RGS6: variants seen among roughly 807,000 people sequenced by gnomAD.
RGS6 encodes the protein regulator of G protein signaling 6, also known as regulator of G-protein signaling 6.
In RGS6, 30 loss-of-function variants were observed where a neutral mutation model predicts 78.5. That is an observed-to-expected ratio of 0.38 (90% CI 0.29 to 0.52). The LOEUF is 0.52. RGS6 is among the 20% of genes least tolerant of loss of function. RGS6 has a pLI of 0.85. For synonymous variants in RGS6, 206 were observed against 206.0 expected (o/e 1.00, Z 0.00); for missense variants, 495 against 609.7 (o/e 0.81, Z 1.98).
At chr14:72,467,709 C>T (rs2095958066) in intron 7 of RGS6, among the ~76,000 whole-genome samples, 1 of 152,166 alleles carries the variant, frequency 6.6e-6, no homozygotes, top group African/African-American at 2.4e-5. Context: ...TTTGCATTAT[C>T]AGATGATCAT....
intron 3 of RGS6, among the ~76,000 whole-genome samples, chr14:72,435,765 G>A (rs1313477580): frequency 1.0e-4 from 6 of 59,100 alleles, no homozygotes; most frequent in East Asian, 1.2e-3. Flanking sequence ...CCCCGCCCCC[G>A]CCCCTGCTGT....
chr14:72,497,417 A>C (rs1343805916), intron 13 of RGS6, among the ~76,000 whole-genome samples: 2 of 152,128 alleles, frequency 1.3e-5, no homozygotes, highest in Admixed American at 6.5e-5. Flanking sequence ...ATTTACTTGA[A>C]TCATATATTT....
At chr14:72,472,440 CTT>C (rs1398544272) in intron 8 of RGS6, among the ~76,000 whole-genome samples, 10 of 152,192 alleles carry the variant, frequency 6.6e-5, no homozygotes, top group Admixed American at 3.9e-4. Flanking sequence ...CTAAAGCAAA[CTT>C]TCAAATTTGA....
rs77743636 is a variant in RGS6, at chr14:72,289,535, C to G, written c.85-62560C>G. Reference sequence around the variant, plus strand: ...ACCCCTGCTCTTAGCAAAAGTTCCTCAGGACATTATTGTTGAATTACTCAA... The same window carrying G: ...ACCCCTGCTCTTAGCAAAAGTTCCTGAGGACATTATTGTTGAATTACTCAA... On this transcript the variant is annotated intron_variant, in intron 2 of 17. Transcript: ENST00000553525. Among the ~76,000 whole-genome samples, 734 of 152,280 alleles carry G rather than the reference C, an allele frequency of 4.8e-3. 6 individuals carry two copies. The highest frequency in any genetic ancestry group is 0.017 in the African/African-American group (709 of 41,548).
intron 2 of RGS6, among the ~76,000 whole-genome samples, chr14:72,086,120 T>C (rs1270927138): frequency 6.6e-6 from 1 of 152,220 alleles, no homozygotes. Context: ...CACTAAATGA[T>C]GACTGTCTTA....
chr14:72,478,458 A>C, intron 12 of RGS6, 129 bp downstream of exon 12: 1 of 677,966 alleles, frequency 1.5e-6, no homozygotes. Flanking sequence ...ACTGGGGTGC[A>C]GAAAAACCCA....
the RGS6 span, among the ~76,000 whole-genome samples, chr14:72,600,346 T>C: frequency 7.1e-6 from 1 of 140,578 alleles, no homozygotes; most frequent in Non-Finnish European, 1.6e-5. Context: ...CCCTCCTCTC[T>C]GTCCCCAGCG....
chr14:72,268,134 G>A (rs534606623), intron 2 of RGS6, among the ~76,000 whole-genome samples: 3 of 152,124 alleles, frequency 2.0e-5, no homozygotes, highest in East Asian at 1.9e-4. Context: ...TTGTCTAGAC[G>A]ATTATTCTTG....
intron 2 of RGS6, among the ~76,000 whole-genome samples, chr14:72,335,843 G>T (rs2075927511): frequency 6.6e-6 from 1 of 152,188 alleles, no homozygotes; most frequent in African/African-American, 2.4e-5. Flanking sequence ...TCGGGAAGAA[G>T]ATCTAATCAC....
At chr14:72,261,355 G>C (rs2058119836) in intron 2 of RGS6, among the ~76,000 whole-genome samples, 2 of 152,210 alleles carry the variant, frequency 1.3e-5, no homozygotes, top group Admixed American at 1.3e-4. Context: ...TAAAAGGAAA[G>C]GCTACAGTCC....
chr14:72,299,010 T>C (rs775928051), intron 2 of RGS6, among the ~76,000 whole-genome samples: 32 of 152,224 alleles, frequency 2.1e-4, no homozygotes, highest in Non-Finnish European at 7.4e-5. Flanking sequence ...TTTGTTCTTT[T>C]CAGTCTTTGA....
chr14:72,028,433 C>T (rs888086538), intron 2 of RGS6, among the ~76,000 whole-genome samples: 1 of 152,234 alleles, frequency 6.6e-6, no homozygotes, highest in African/African-American at 2.4e-5. Context: ...ATACATCTTA[C>T]AGTTAGCTCT....
chr14:72,075,352 C>T (rs1384661341), intron 2 of RGS6, among the ~76,000 whole-genome samples: 1 of 152,058 alleles, frequency 6.6e-6, no homozygotes, highest in East Asian at 1.9e-4. Context: ...ATTGGTATAC[C>T]CAACAAGATA....
At chr14:72,442,802 C>G (rs1451015752) in intron 3 of RGS6, among the ~76,000 whole-genome samples, 3 of 152,078 alleles carry the variant, frequency 2.0e-5, no homozygotes, top group Non-Finnish European at 2.9e-5. Context: ...CTCCTGGCCA[C>G]TCCTATGGGT....
chr14:72,387,618 A>G (rs1181227865), intron 3 of RGS6, among the ~76,000 whole-genome samples: 1 of 152,160 alleles, frequency 6.6e-6, no homozygotes, highest in Non-Finnish European at 1.5e-5. Flanking sequence ...TACATTTTAC[A>G]AAGAAAAAAA....
intron 3 of RGS6, 29 bp downstream of exon 3, chr14:72,352,223 A>G (rs748441670): frequency 1.3e-6 from 2 of 1,526,330 alleles, no homozygotes; most frequent in South Asian, 1.1e-5. Context: ...GGTGTTGGTA[A>G]CAGTCAGAAC....
chr14:71,874,155 GT>G, the RGS6 span, among the ~76,000 whole-genome samples: 1 of 152,106 alleles, frequency 6.6e-6, no homozygotes, highest in South Asian at 2.1e-4. Context: ...GAACTTTAAA[GT>G]AGTTTTTTCC....
chr14:72,480,272 T>C (rs998661256), intron 12 of RGS6, among the ~76,000 whole-genome samples: 3 of 152,178 alleles, frequency 2.0e-5, no homozygotes, highest in African/African-American at 7.2e-5. Context: ...AGCCTGAACC[T>C]GTCAGCATGA....
At chr14:72,334,117 C>A (rs1310323032) in intron 2 of RGS6, among the ~76,000 whole-genome samples, 1 of 152,204 alleles carries the variant, frequency 6.6e-6, no homozygotes, top group Non-Finnish European at 1.5e-5. Flanking sequence ...CTGAAGCCAG[C>A]ATATAATTGC....
Sources: gnomAD v4.1 joint callset for allele counts (sites outside exome capture counted in the v4.1 genomes callset) on GRCh38, gnomAD v4.1.1 for gene constraint, MANE v1.5 for transcripts, NCBI Gene and HGNC (gene_info 2026-07-23, HGNC 2026-07-21) for gene names.